The following PAQR3 variants were observed in gnomAD, a reference collection of about 807,000 sequenced individuals.
PAQR3 encodes Raf kinase trapping to Golgi.
Under a neutral mutation model 41.7 loss-of-function variants are expected in PAQR3, and 39 were observed. The observed-to-expected ratio is 0.93, with a 90% CI of 0.72 to 1.22. PAQR3 has a LOEUF of 1.22. Ranked by LOEUF, PAQR3 falls within the 50% of genes most tolerant of loss-of-function variation. The probability of loss-of-function intolerance (pLI) is 0.00; values close to 1 mark genes in which losing one functional copy is unlikely to be tolerated. For synonymous variants in PAQR3, 140 were observed against 140.6 expected, an observed-to-expected ratio of 1.00 and a Z score of 0.03; for missense variants, 366 against 385.6, an observed-to-expected ratio of 0.95 and a Z score of 0.42.
chr4:78,937,830 G>C (rs1560587734), intron 1 of PAQR3, among the ~76,000 whole-genome samples: 1 of 152,198 alleles, frequency 6.6e-6, no homozygotes, highest in Non-Finnish European at 1.5e-5. Flanking sequence ...GAACGCAGAA[G>C]ACCACTGCTA....
rs1735256435 is a variant in PAQR3, at chr4:78,918,023, GA to G, written c.*2515del. 15 of 981,154 alleles carry G rather than the reference GA, an allele frequency of 1.5e-5. No individual in the cohort carries two copies. Among genetic ancestry groups the G allele is most frequent in the Non-Finnish European group, 1.7e-5 (14 of 825,806 alleles). 60.8% of individuals were successfully genotyped at this position (981,154 alleles called of 1,614,324 possible). A position where few individuals can be genotyped will look rare whatever the true frequency, so the allele number is the denominator to read the frequency against. On this transcript the variant is annotated 3_prime_UTR_variant, in exon 6 of 6. Transcript: ENST00000512733. ...TGCAGTTAGTGTAATAACAAAAAAA[GA>G]CAAGCACTGTCTTGCTATTTGAAAA...
intron 5 of PAQR3, among the ~76,000 whole-genome samples, chr4:78,923,317 CT>C (rs1478249659): frequency 6.6e-6 from 1 of 151,922 alleles, no homozygotes; most frequent in African/African-American, 2.4e-5. Context: ...CTACACCTCA[CT>C]TCTTTTCACT....
chr4:78,923,338 T>C (rs1253468978), intron 5 of PAQR3, among the ~76,000 whole-genome samples: 1 of 152,044 alleles, frequency 6.6e-6, no homozygotes, highest in Non-Finnish European at 1.5e-5. Flanking sequence ...TATCTTTTTT[T>C]TTTATTATTA....
At chr4:78,910,494 C>A, downstream of PAQR3, 1 of 868,654 alleles carries the variant, frequency 1.2e-6, no homozygotes, top group Non-Finnish European at 1.7e-6. Context: ...ATTTTTTCCT[C>A]TAAGGGAACT....
At chr4:78,899,183 T>C (rs972387122) in intron 11 of PAQR3, 1 of 152,206 alleles carries the variant, frequency 6.6e-6, no homozygotes, top group African/African-American at 2.4e-5. Flanking sequence ...AAAGACTCCA[T>C]GCTTGAAATA....
intron 11 of PAQR3, among the ~76,000 whole-genome samples, chr4:78,895,082 C>T (rs992876555): frequency 1.3e-5 from 2 of 151,958 alleles, no homozygotes; most frequent in African/African-American, 4.8e-5. Context: ...ACAGGGTCAC[C>T]GTAACAGATA....
intron 11 of PAQR3, among the ~76,000 whole-genome samples, chr4:78,896,187 A>G (rs1015700049): frequency 6.6e-6 from 1 of 152,176 alleles, no homozygotes; most frequent in Non-Finnish European, 1.5e-5. Context: ...ACAACTAATA[A>G]TCCTACTGTC....
chr4:78,935,270 A>G lies in PAQR3; in HGVS notation c.199T>C (p.Ser67Pro). Residue 67 changes from serine to proline, a missense_variant, in exon 2 of 6, where the codon TCT becomes CCT. By Grantham distance (74) the Ser-to-Pro change is moderately conservative (BLOSUM62 -1). Coordinates refer to ENST00000512733, the MANE Select transcript of PAQR3 (RefSeq NM_001040202.2). ...RLCIKSLFIL[S>P]NETVNIWSHL... ...CTCCAGATGTTTACTGTCTCATTAG[A>G]TAAAATAAACAAACTGGAAAATAAA... 6.2e-7 allele frequency: 1 copy of G among 1,608,968 alleles called. No homozygotes were observed. Among genetic ancestry groups the G allele is most frequent in the Non-Finnish European group, 8.5e-7 (1 of 1,178,734 alleles).
chr4:78,938,399 C>G (rs1737655490), intron 1 of PAQR3, among the ~76,000 whole-genome samples: 1 of 152,104 alleles, frequency 6.6e-6, no homozygotes, highest in Non-Finnish European at 1.5e-5. Flanking sequence ...CTGTGGTGCT[C>G]TAGTGGAGAC....
At chr4:78,931,212 ATT>A (rs796971571) in intron 2 of PAQR3, among the ~76,000 whole-genome samples, 22 of 148,582 alleles carry the variant, frequency 1.5e-4, no homozygotes, top group African/African-American at 4.2e-4. Context: ...AAAAAAAAAA[ATT>A]GGGCATGGCG....
intron 4 of PAQR3, among the ~76,000 whole-genome samples, chr4:78,926,150 C>T (rs184605805): frequency 3.3e-5 from 5 of 152,314 alleles, no homozygotes; most frequent in African/African-American, 9.6e-5. Flanking sequence ...AAAAGATCAA[C>T]TGCTCCTATT....
chr4:78,939,430 G>A lies in PAQR3; in HGVS notation c.-206C>T, dbSNP rs976822535. ...CCGCGGCGGACCCGGCAGCGTCGCA[G>A]CCTCCTCTGACGTCAGCGCGCCGCG... On this transcript the variant is annotated 5_prime_UTR_variant, in exon 1 of 6. Transcript: ENST00000512733. 4 of 242,630 alleles carry A rather than the reference G, an allele frequency of 1.6e-5. No homozygotes were observed. Among genetic ancestry groups the A allele is most frequent in the Admixed American group, 5.8e-5 (1 of 17,166 alleles). The allele number at this position is 242,630 out of a possible 1,614,324, so 15.0% of individuals were successfully genotyped here.
intron 2 of PAQR3, among the ~76,000 whole-genome samples, chr4:78,934,614 A>T (rs533894182): frequency 6.6e-6 from 1 of 152,344 alleles, no homozygotes; most frequent in East Asian, 1.9e-4. Context: ...GGAGGTAGAG[A>T]GGAAAAGAAA....
intron 11 of PAQR3, among the ~76,000 whole-genome samples, chr4:78,894,515 C>T (rs77812130): frequency 0.016 from 2,489 of 152,328 alleles, 70 homozygotes; most frequent in African/African-American, 0.057. Context: ...TTTCTCACTT[C>T]ACTCAGCCTT....
intron 1 of PAQR3, 78 bp downstream of exon 1, chr4:78,938,962 G>GC: frequency 2.2e-6 from 3 of 1,371,040 alleles, no homozygotes; most frequent in Non-Finnish European, 3.0e-6. Flanking sequence ...GAAAGGCGGG[G>GC]AAAGCAGAAG....
At chr4:78,937,305 G>A (rs962658336) in intron 1 of PAQR3, among the ~76,000 whole-genome samples, 1 of 152,160 alleles carries the variant, frequency 6.6e-6, no homozygotes, top group African/African-American at 2.4e-5. Flanking sequence ...TTCTGCAGGC[G>A]GCAGAGGTTC....
At chr4:78,929,054 T>C (rs959205401) in intron 3 of PAQR3, among the ~76,000 whole-genome samples, 1 of 152,216 alleles carries the variant, frequency 6.6e-6, no homozygotes, top group South Asian at 2.1e-4. Context: ...GGGGAGTGGC[T>C]GTAAATACGT....
downstream of PAQR3, chr4:78,911,239 T>C (rs1405052194): frequency 6.2e-7 from 1 of 1,613,970 alleles, no homozygotes; most frequent in Non-Finnish European, 8.5e-7. Flanking sequence ...ATTTGATGTA[T>C]TCACAAAGGC....
At chr4:78,908,830 T>C (rs1329557181), downstream of PAQR3, among the ~76,000 whole-genome samples, 1 of 152,132 alleles carries the variant, frequency 6.6e-6, no homozygotes. Context: ...TTGATACAGG[T>C]ATACAGTGCA....
Sources: allele counts gnomAD v4.1 joint callset (sites outside exome capture counted in the v4.1 genomes callset), GRCh38; gene constraint gnomAD v4.1.1; transcripts MANE v1.5; gene names NCBI Gene and HGNC (gene_info 2026-07-23, HGNC 2026-07-21).